Variants in CREG2 observed in about 807,000 individuals in gnomAD.
The protein encoded by CREG2 is protein CREG2.
A neutral mutation model predicts 26.2 loss-of-function variants in CREG2; 24 were observed. The ratio of observed to expected loss-of-function variants is 0.92; its 90% CI spans 0.66 to 1.29. The LOEUF (loss-of-function observed/expected upper bound fraction) is 1.29, where lower values mean the gene tolerates loss of function less well. Ranked by LOEUF, CREG2 falls within the 50% of genes most tolerant of loss-of-function variation. The probability of loss-of-function intolerance (pLI) is 0.00; values close to 1 mark genes in which losing one functional copy is unlikely to be tolerated. For missense variants in CREG2, 366 were observed against 398.6 expected, an observed-to-expected ratio of 0.92 and a Z score of 0.70; for synonymous variants, 174 against 169.2, an observed-to-expected ratio of 1.03 and a Z score of -0.22.
Position 101,374,871 on chromosome 2 carries a change from C to T in CREG2, c.611+8662G>A, listed in dbSNP as rs533093770. 4.8e-3 allele frequency among the ~76,000 whole-genome samples: 737 copies of T among 152,276 alleles called. 6 individuals are homozygous for T. Among genetic ancestry groups the T allele is most frequent in the South Asian group, 0.019 (93 of 4,822 alleles). On this transcript the variant is annotated intron_variant, in intron 2 of 3. Transcript: ENST00000324768. ...AGTGGCCACAGGCCATTTTCATTTC[C>T]AGAATCTCTTTTTACTTTTCACACA...
chr2:101,370,279 G>A (rs1446765793), intron 2 of CREG2, among the ~76,000 whole-genome samples: 1 of 152,124 alleles, frequency 6.6e-6, no homozygotes, highest in African/African-American at 2.4e-5. Context: ...AGTATAAATA[G>A]GGCACTATTA....
intron 2 of CREG2, among the ~76,000 whole-genome samples, chr2:101,369,668 T>C (rs1684674097): frequency 6.6e-6 from 1 of 152,192 alleles, no homozygotes; most frequent in Non-Finnish European, 1.5e-5. Flanking sequence ...CGTATTTCCA[T>C]GTGCGTCTTA....
chr2:101,383,604 G>A lies in CREG2; in HGVS notation c.540C>T (p.Pro180=), dbSNP rs776097238. Residue 180 remains proline (P), a synonymous_variant, in exon 2 of 4, where the codon CCC becomes CCT. Coordinates refer to ENST00000324768, the MANE Select transcript of CREG2 (RefSeq NM_153836.4). Reference sequence around the variant, plus strand: ...GGTTCTTCATCAGATCAGCCACCACGGGGTCCTTGGCTGTCATGTAGAAGA... The same window carrying A: ...GGTTCTTCATCAGATCAGCCACCACAGGGTCCTTGGCTGTCATGTAGAAGA... ...IPFFYMTAKD[P]VVADLMKNPM... 6.3e-5 allele frequency: 102 copies of A among 1,614,032 alleles called. No homozygotes were observed. The highest frequency in any genetic ancestry group is 8.1e-5 in the Non-Finnish European group (95 of 1,180,010).
chr2:101,351,331 G>A (rs759003625), intron 3 of CREG2, among the ~76,000 whole-genome samples: 6 of 152,182 alleles, frequency 3.9e-5, no homozygotes, highest in Admixed American at 1.3e-4. Context: ...CTGCTGATGA[G>A]CTGTGACGCC....
At chr2:101,356,179 G>T (rs185403028) in intron 2 of CREG2, among the ~76,000 whole-genome samples, 18 of 152,268 alleles carry the variant, frequency 1.2e-4, no homozygotes, top group Admixed American at 1.1e-3. Flanking sequence ...CATCCTCTCC[G>T]ACTCTCAGTT....
Position 101,383,691 on chromosome 2 carries a change from C to T in CREG2, c.453G>A (p.Leu151=). Residue 151 remains leucine, a synonymous_variant, in exon 2 of 4, where the codon CTG becomes CTA. Coordinates refer to ENST00000324768, the MANE Select transcript of CREG2 (RefSeq NM_153836.4). ...TVSTHKKIQG[L]PFGNCLPVSD... Reference sequence around the variant, plus strand: ...TGACGGGCAGGCAGTTCCCAAATGGCAGTCCTTGGATCTAACAAACACCAA... The same window carrying T: ...TGACGGGCAGGCAGTTCCCAAATGGTAGTCCTTGGATCTAACAAACACCAA... The T allele has an allele frequency of 6.2e-7, 1 of 1,607,256 alleles. No homozygotes were observed. The highest frequency in any genetic ancestry group is 1.1e-5 in the South Asian group (1 of 90,344).
chr2:101,374,292 G>A (rs1468208543), intron 2 of CREG2, among the ~76,000 whole-genome samples: 1 of 152,222 alleles, frequency 6.6e-6, no homozygotes, highest in Non-Finnish European at 1.5e-5. Context: ...CAGGAGAATT[G>A]CTTGAATCTG....
At chr2:101,352,874 C>T (rs891530465) in intron 3 of CREG2, among the ~76,000 whole-genome samples, 3 of 152,100 alleles carry the variant, frequency 2.0e-5, no homozygotes, top group African/African-American at 7.2e-5. Context: ...CCCTTGAGCC[C>T]AGGAGTTGAA....
intron 2 of CREG2, among the ~76,000 whole-genome samples, chr2:101,375,282 G>A (rs1229392364): frequency 6.6e-6 from 1 of 152,130 alleles, no homozygotes; most frequent in Non-Finnish European, 1.5e-5. Context: ...CCATTCCATG[G>A]TCTGGCACCT....
chr2:101,355,856 A>G (rs935126744), intron 2 of CREG2, among the ~76,000 whole-genome samples: 2 of 152,112 alleles, frequency 1.3e-5, no homozygotes, highest in African/African-American at 2.4e-5. Flanking sequence ...CCCAGAGGGC[A>G]TGTATTACAA....
At chr2:101,364,458 C>G (rs570669013) in intron 2 of CREG2, among the ~76,000 whole-genome samples, 1 of 152,166 alleles carries the variant, frequency 6.6e-6, no homozygotes, top group African/African-American at 2.4e-5. Flanking sequence ...TGTTTGAGAT[C>G]CACTGGTGGA....
intron 2 of CREG2, chr2:101,383,204 T>A (rs891943363): frequency 1.1e-5 from 4 of 355,484 alleles, no homozygotes; most frequent in Non-Finnish European, 2.0e-5. Context: ...CTCGCCCTTT[T>A]CCATAACAAC....
intron 2 of CREG2, among the ~76,000 whole-genome samples, chr2:101,365,622 C>G (rs1684608284): frequency 6.6e-6 from 1 of 152,078 alleles, no homozygotes; most frequent in African/African-American, 2.4e-5. Context: ...TACAGCATAC[C>G]AGTATAATGC....
intron 2 of CREG2, chr2:101,382,687 A>G: frequency 7.1e-6 from 7 of 985,420 alleles, no homozygotes; most frequent in Non-Finnish European, 8.4e-6. Context: ...AGCCTCTGTA[A>G]GAACTAATAC....
In CREG2 at chr2:101,387,330, G is replaced by T; in HGVS notation, c.128C>A (p.Thr43Asn). Reference protein sequence around the residue: ...VIVSSVSWAVTNEVDEELDSA... With the variant: ...VIVSSVSWAVNNEVDEELDSA... ...GTCCAGCTCCTCGTCCACCTCGTTGGTGACGGCCCAAGACACGGAGCTCAC... is the reference window on the plus strand; with the variant it reads ...GTCCAGCTCCTCGTCCACCTCGTTGTTGACGGCCCAAGACACGGAGCTCAC... Residue 43 changes from threonine (T) to asparagine (N), a missense_variant, in exon 1 of 4, where the codon ACC becomes AAC. Transcript: ENST00000324768. This position sits in a 1 kb window ranked among gnomAD's most constrained non-coding sequence, Gnocchi z 4.7. The T allele has an allele frequency of 6.7e-7, 1 of 1,498,798 alleles. No homozygotes were observed. The highest frequency in any genetic ancestry group is 8.9e-7 in the Non-Finnish European group (1 of 1,118,576). The allele number at this position is 1,498,798 out of a possible 1,614,324, so 92.8% of individuals were successfully genotyped here.
intron 3 of CREG2, among the ~76,000 whole-genome samples, chr2:101,352,017 C>T (rs535163315): frequency 7.3e-5 from 11 of 150,704 alleles, no homozygotes; most frequent in East Asian, 2.0e-4. Flanking sequence ...TCATGAGTAG[C>T]GTGCCACCAT....
chr2:101,359,886 A>G (rs1684515498), intron 2 of CREG2, among the ~76,000 whole-genome samples: 1 of 152,226 alleles, frequency 6.6e-6, no homozygotes, highest in Non-Finnish European at 1.5e-5. Flanking sequence ...CGTAGAGACC[A>G]TTCATAAGAA....
chr2:101,386,773 C>T (rs141356802), intron 1 of CREG2, among the ~76,000 whole-genome samples: 47 of 152,244 alleles, frequency 3.1e-4, no homozygotes, highest in Admixed American at 2.2e-3. Context: ...GATTCGGTAC[C>T]CAACCCTACC....
chr2:101,351,988 C>T (rs992203694), intron 3 of CREG2, among the ~76,000 whole-genome samples: 5 of 151,842 alleles, frequency 3.3e-5, no homozygotes, highest in Non-Finnish European at 5.9e-5. Context: ...TGGGCTCAAG[C>T]GATCCTCCTG....
Sources: gnomAD v4.1 joint callset for allele counts (sites outside exome capture counted in the v4.1 genomes callset) on GRCh38, gnomAD v4.1.1 for gene constraint, Gnocchi (gnomAD v3.1) non-coding constraint, MANE v1.5 for transcripts, NCBI Gene and HGNC (gene_info 2026-07-23, HGNC 2026-07-21) for gene names.